The following MMP26 variants were observed in gnomAD, a reference collection of about 807,000 sequenced individuals.
MMP26 encodes matrix metallopeptidase 26.
MMP26 carries 33 observed loss-of-function variants against 31.0 expected under a neutral mutation model. The ratio of observed to expected loss-of-function variants is 1.06; its 90% confidence interval spans 0.81 to 1.42. MMP26 has a LOEUF of 1.42. Ranked by LOEUF, MMP26 falls within the 40% of genes most tolerant of loss-of-function variation. MMP26 has a pLI of 0.00. For missense variants in MMP26, 347 were observed against 316.1 expected (o/e 1.10, Z -0.74); for synonymous variants, 122 against 114.9 (o/e 1.06, Z -0.40).
intron 2 of MMP26, among the ~76,000 whole-genome samples, chr11:4,785,783 A>T (rs979070324): frequency 6.6e-6 from 1 of 152,148 alleles, no homozygotes; most frequent in Non-Finnish European, 1.5e-5. Flanking sequence ...AGTTCTCTAA[A>T]CCTCACTAAA....
At chr11:4,810,327 G>A (rs939171467) in intron 2 of MMP26, among the ~76,000 whole-genome samples, 4 of 151,870 alleles carry the variant, frequency 2.6e-5, no homozygotes, top group Admixed American at 6.6e-5. Flanking sequence ...GTCGATGTGT[G>A]TATCTGAGAG....
intron 1 of MMP26, chr11:4,710,178 A>G (rs1049479308): frequency 2.4e-5 from 11 of 456,636 alleles, no homozygotes; most frequent in African/African-American, 2.0e-4. Context: ...TGGCCTGGCC[A>G]TTGTTATCTC....
intron 1 of MMP26, among the ~76,000 whole-genome samples, chr11:4,714,292 A>G (rs184484355): frequency 1.3e-5 from 2 of 152,296 alleles, no homozygotes; most frequent in East Asian, 1.9e-4. Context: ...GGAACATTCT[A>G]TTCTGAGGAG....
chr11:4,868,207 A>T (rs1850262557), intron 2 of MMP26, among the ~76,000 whole-genome samples: 1 of 152,232 alleles, frequency 6.6e-6, no homozygotes, highest in African/African-American at 2.4e-5. Flanking sequence ...GAACACATGG[A>T]CACATGGGGG....
chr11:4,804,067 A>T, intron 2 of MMP26: 1 of 1,614,060 alleles, frequency 6.2e-7, no homozygotes, highest in South Asian at 1.1e-5. Flanking sequence ...ATGGATGAAG[A>T]ACACCTGGAT....
At position 4,848,788 on chromosome 11, in the gene MMP26, G is replaced by T. The variant is rs1405710633; in HGVS notation, c.-145+81447G>T. On this transcript the variant is annotated intron_variant, in intron 2 of 7. Coordinates refer to ENST00000380390, the MANE Select transcript of MMP26 (RefSeq NM_021801.5). The stretch of plus-strand genomic sequence containing the variant: ...ATTACACCATTGGTGAGGAGCGCTG[G>T]GTAGTGGAGAGGTCGGCAGATGGCC... 5.0e-6 allele frequency: 8 copies of T among 1,613,994 alleles called. No homozygotes were observed. In the Middle Eastern group the frequency reaches 4.9e-4, roughly 100 times the overall value.
intron 2 of MMP26, among the ~76,000 whole-genome samples, chr11:4,927,987 T>A (rs771839468): frequency 3.9e-5 from 6 of 152,078 alleles, no homozygotes; most frequent in Non-Finnish European, 7.4e-5. Context: ...CATTTCAAGT[T>A]GGAAAATTGG....
rs1846613008 is a variant in MMP26, at chr11:4,967,545, G to A, written c.-144-20523G>A. Among the ~76,000 whole-genome samples, 3 of 152,258 alleles carry A rather than the reference G, an allele frequency of 2.0e-5. No individual in the cohort carries two copies. In the South Asian group the frequency reaches 6.2e-4, roughly 32 times the overall value. ...GTCCCCAAGATATTCTGAGGTTCCTGTACCTACCAGAAAGGGAACTTCTTT... is the reference window on the plus strand; with the variant it reads ...GTCCCCAAGATATTCTGAGGTTCCTATACCTACCAGAAAGGGAACTTCTTT... On this transcript the variant is annotated intron_variant, in intron 2 of 7. Coordinates refer to ENST00000380390, the MANE Select transcript of MMP26 (RefSeq NM_021801.5).
chr11:4,958,762 T>C (rs933801779), intron 2 of MMP26, among the ~76,000 whole-genome samples: 3 of 152,218 alleles, frequency 2.0e-5, no homozygotes, highest in Non-Finnish European at 4.4e-5. Context: ...ATTGTTTTCC[T>C]TGAATTAAAC....
chr11:4,918,288 A>G, intron 2 of MMP26, among the ~76,000 whole-genome samples: 1 of 152,086 alleles, frequency 6.6e-6, no homozygotes, highest in East Asian at 1.9e-4. Context: ...TATTTAAGTT[A>G]AGGCAGCCTG....
chr11:4,950,425 G>A lies in MMP26; in HGVS notation c.-144-37643G>A, dbSNP rs944545407. 2.2e-4 allele frequency among the ~76,000 whole-genome samples: 26 copies of A among 120,312 alleles called. 3 individuals are homozygous for A. Among genetic ancestry groups the A allele is most frequent in the African/African-American group, 7.3e-4 (26 of 35,758 alleles). The allele number at this position is 120,312 out of a possible 152,430, so 78.9% of individuals were successfully genotyped here. The stretch of plus-strand genomic sequence containing the variant: ...CATTATGTTAAATAAAATAAGCCAG[G>A]CACAGAAAGACAAACACTGCATGTT... On this transcript the variant is annotated intron_variant, in intron 2 of 7. Transcript: ENST00000380390.
chr11:4,773,907 G>T (rs1848758615), intron 2 of MMP26, among the ~76,000 whole-genome samples: 1 of 152,046 alleles, frequency 6.6e-6, no homozygotes, highest in Admixed American at 6.6e-5. Flanking sequence ...TTCTGTTCCT[G>T]CATGAGTTTG....
intron 2 of MMP26, among the ~76,000 whole-genome samples, chr11:4,959,124 G>T (rs1179591956): frequency 1.3e-5 from 2 of 151,206 alleles, no homozygotes; most frequent in East Asian, 3.9e-4. Flanking sequence ...TGTAGTCCCA[G>T]CTACTCGGGA....
At chr11:4,881,240 C>T (rs1286775328) in intron 2 of MMP26, among the ~76,000 whole-genome samples, 3 of 152,120 alleles carry the variant, frequency 2.0e-5, no homozygotes, top group Non-Finnish European at 4.4e-5. Context: ...CAAACGGAAC[C>T]ACTGTCTCCT....
At chr11:4,814,342 C>G (rs1347383243) in intron 2 of MMP26, among the ~76,000 whole-genome samples, 1 of 151,976 alleles carries the variant, frequency 6.6e-6, no homozygotes, top group Non-Finnish European at 1.5e-5. Flanking sequence ...GGAAACAACC[C>G]AAATATCTGT....
At chr11:4,944,054 T>C (rs1846257141) in intron 2 of MMP26, 1 of 436,266 alleles carries the variant, frequency 2.3e-6, no homozygotes, top group Non-Finnish European at 4.5e-6. Flanking sequence ...ATTAATAAAA[T>C]ATGTCAACTA....
chr11:4,929,430 T>C (rs1202056347), intron 2 of MMP26, among the ~76,000 whole-genome samples: 2 of 151,850 alleles, frequency 1.3e-5, no homozygotes, highest in Non-Finnish European at 2.9e-5. Context: ...ATTGATATAA[T>C]CAATCACATG....
At chr11:4,757,088 C>G (rs1245792804) in intron 1 of MMP26, among the ~76,000 whole-genome samples, 1 of 151,992 alleles carries the variant, frequency 6.6e-6, no homozygotes, top group Non-Finnish European at 1.5e-5. Context: ...GAAAACTTAA[C>G]ATTAAACCAA....
At chr11:4,960,230 G>A (rs1043403646) in intron 2 of MMP26, among the ~76,000 whole-genome samples, 2 of 152,084 alleles carry the variant, frequency 1.3e-5, no homozygotes, top group Admixed American at 1.3e-4. Flanking sequence ...TATCTTAAAA[G>A]CAATTGATTG....
Sources: gnomAD v4.1 joint callset for allele counts (sites outside exome capture counted in the v4.1 genomes callset) on GRCh38, gnomAD v4.1.1 for gene constraint, MANE v1.5 for transcripts, NCBI Gene and HGNC (gene_info 2026-07-23, HGNC 2026-07-21) for gene names.